The following GLIPR1 variants were observed in gnomAD, a reference collection of about 807,000 sequenced individuals.
The protein encoded by GLIPR1 is glioma pathogenesis-related protein 1.
Under a neutral mutation model 30.3 loss-of-function variants are expected in GLIPR1, and 38 were observed. That is an observed-to-expected ratio of 1.26 (90% CI 0.97 to 1.65). The LOEUF (loss-of-function observed/expected upper bound fraction) is 1.65, where lower values mean the gene tolerates loss of function less well. Among genes scored for constraint, GLIPR1 ranks in the 40% most tolerant of loss-of-function variants. The pLI, the probability that GLIPR1 is intolerant of heterozygous loss-of-function variation, is 0.00. For synonymous variants in GLIPR1, 122 were observed against 110.6 expected (o/e 1.10, Z -0.65); for missense variants, 285 against 326.5 (o/e 0.87, Z 0.98).
At chr12:75,481,813 G>T (rs1054914882) in intron 1 of GLIPR1, 21 bp from the exon 2 acceptor site, 2 of 1,612,156 alleles carry the variant, frequency 1.2e-6, no homozygotes, top group African/African-American at 2.7e-5. Context: ...ACCCCCTATT[G>T]TTTAATGTTT....
chr12:75,499,238 C>T lies in GLIPR1; in HGVS notation c.*260C>T. The T allele has an allele frequency of 3.5e-6, 1 of 287,898 alleles. No homozygotes were observed. Among genetic ancestry groups the T allele is most frequent in the Non-Finnish European group, 6.4e-6 (1 of 156,450 alleles). 17.8% of individuals were successfully genotyped at this position (287,898 alleles called of 1,614,324 possible). A position where few individuals can be genotyped will look rare whatever the true frequency, so the allele number is the denominator to read the frequency against. On this transcript the variant is annotated 3_prime_UTR_variant, in exon 6 of 6. Coordinates refer to ENST00000266659, the MANE Select transcript of GLIPR1 (RefSeq NM_006851.3). ...ACCCATGTTTCAGCTTCTAAATCTG[C>T]AAAATGAGCAAGGTACAGTAGCACA...
In GLIPR1 at chr12:75,501,658, G is replaced by T; in HGVS notation, c.*2680G>T. 1 of 1,063,988 alleles carries T rather than the reference G, an allele frequency of 9.4e-7. No individual in the cohort carries two copies. Among genetic ancestry groups the T allele is most frequent in the South Asian group, 1.4e-5 (1 of 71,930 alleles). The allele number at this position is 1,063,988 out of a possible 1,614,324, so 65.9% of individuals were successfully genotyped here. On this transcript the variant is annotated 3_prime_UTR_variant, in exon 6 of 6. Transcript: ENST00000266659. ...TACAACTGTTTCTTAAAAAGATTCAGACAAATTTATTATGGGTTTACTTTT... is the reference window on the plus strand; with the variant it reads ...TACAACTGTTTCTTAAAAAGATTCATACAAATTTATTATGGGTTTACTTTT...
rs1052628103 is a variant in GLIPR1 at position 75,503,576 on chromosome 12, G to C, written c.*4598G>C. The C allele has an allele frequency of 1.1e-5, 2 of 176,402 alleles. No individual in the cohort carries two copies. The highest frequency in any genetic ancestry group is 4.7e-5 in the African/African-American group (2 of 42,412). 10.9% of individuals were successfully genotyped at this position (176,402 alleles called of 1,614,324 possible). A position where few individuals can be genotyped will look rare whatever the true frequency, so the allele number is the denominator to read the frequency against. On this transcript the variant is annotated 3_prime_UTR_variant, in exon 6 of 6. Coordinates refer to ENST00000266659, the MANE Select transcript of GLIPR1 (RefSeq NM_006851.3). ...ATTTCAGAACAAGAACAACCATAGAGCACACAGTCACAATAATGTTGCCAA... is the reference window on the plus strand; with the variant it reads ...ATTTCAGAACAAGAACAACCATAGACCACACAGTCACAATAATGTTGCCAA...
Position 75,490,512 on chromosome 12 carries a change from G to T in GLIPR1, c.527G>T (p.Gly176Val). 8.9e-7 allele frequency: 1 copy of T among 1,117,540 alleles called. No homozygotes were observed. The highest frequency in any genetic ancestry group is 1.2e-5 in the South Asian group (1 of 81,896). 69.2% of individuals were successfully genotyped at this position (1,117,540 alleles called of 1,614,324 possible). ...GGAGCACATTTTATATGCAACTACG[G>T]ACCAGGGTAAGTGCCTGAATCAACC... ...SNGAHFICNYGPGGNYPTWPY... is the reference protein window; with the variant it reads ...SNGAHFICNYVPGGNYPTWPY... Residue 176 changes from glycine to valine, a missense_variant, in exon 3 of 6, where the codon GGA (glycine) becomes GTA (valine). By Grantham distance (109) the Gly-to-Val change is moderately radical. Coordinates refer to ENST00000266659, the MANE Select transcript of GLIPR1 (RefSeq NM_006851.3).
At chr12:75,486,045 C>T (rs1377044476) in intron 2 of GLIPR1, among the ~76,000 whole-genome samples, 1 of 152,092 alleles carries the variant, frequency 6.6e-6, no homozygotes, top group Non-Finnish European at 1.5e-5. Context: ...AAGAGTGGTT[C>T]CTGGTTCTGA....
At position 75,500,032 on chromosome 12, in the gene GLIPR1, A is replaced by G. The variant is rs2046380783; in HGVS notation, c.*1054A>G. On this transcript the variant is annotated 3_prime_UTR_variant, in exon 6 of 6. Transcript: ENST00000266659. The stretch of plus-strand genomic sequence containing the variant: ...AAAGAATATATGTTTAACAAAGAAT[A>G]TATGTTTAAGGCAGTTAACTTCAGA... 1 of 1,143,640 alleles carries G rather than the reference A, an allele frequency of 8.7e-7. No homozygotes were observed. Among genetic ancestry groups the G allele is most frequent in the Non-Finnish European group, 1.2e-6 (1 of 811,182 alleles). 70.8% of individuals were successfully genotyped at this position (1,143,640 alleles called of 1,614,324 possible).
intron 2 of GLIPR1, among the ~76,000 whole-genome samples, chr12:75,485,980 A>C (rs976343683): frequency 3.3e-4 from 50 of 152,080 alleles, no homozygotes; most frequent in African/African-American, 1.2e-3. Context: ...TATAAGGGAG[A>C]CATCTTCCTT....
intron 4 of GLIPR1, chr12:75,498,098 G>C (rs1378209761): frequency 1.3e-5 from 2 of 152,434 alleles, no homozygotes; most frequent in Admixed American, 6.6e-5. Flanking sequence ...AACTGGTGTG[G>C]AAAAGGTTTC....
chr12:75,485,290 A>C (rs930693820), intron 2 of GLIPR1, among the ~76,000 whole-genome samples: 2 of 152,222 alleles, frequency 1.3e-5, no homozygotes, highest in African/African-American at 4.8e-5. Context: ...CTTTGTCTTC[A>C]CTGGAGATAG....
intron 1 of GLIPR1, chr12:75,481,559 G>A (rs548370790): frequency 1.9e-5 from 8 of 428,054 alleles, no homozygotes; most frequent in South Asian, 1.6e-4. Flanking sequence ...TGTGGTTATG[G>A]AATAATGTTG....
At chr12:75,497,808 A>G (rs1206419658) in intron 4 of GLIPR1, 1 of 152,230 alleles carries the variant, frequency 6.6e-6, no homozygotes, top group Admixed American at 6.5e-5. Flanking sequence ...TGTGCTGGGC[A>G]TATTAGTGGT....
At chr12:75,490,235 C>CACA (rs1566097391) in intron 2 of GLIPR1, among the ~76,000 whole-genome samples, 171 bp from the exon 3 acceptor site, 4 of 109,624 alleles carry the variant, frequency 3.6e-5, no homozygotes, top group African/African-American at 1.0e-4. Context: ...ACACACACAC[C>CACA]CCAATAATGG....
rs755493492 is a variant in GLIPR1, at chr12:75,501,885, C to G, written c.*2907C>G. ...GTTAAATAATTCAAGTATCTATGAA[C>G]TTTGCTATTCATGTGAGCCAGACAT... is the stretch of plus-strand genomic sequence containing the variant. On this transcript the variant is annotated 3_prime_UTR_variant, in exon 6 of 6. Transcript: ENST00000266659. The G allele has an allele frequency of 3.8e-6, 6 of 1,593,568 alleles. No homozygotes were observed.
chr12:75,498,454 T>C (rs1179634766), intron 4 of GLIPR1: 8 of 387,424 alleles, frequency 2.1e-5, no homozygotes, highest in Non-Finnish European at 3.7e-5. Flanking sequence ...TTTCCATTTA[T>C]AGTAATGGTA....
chr12:75,483,494 G>A (rs1399471839), intron 2 of GLIPR1: 1 of 152,228 alleles, frequency 6.6e-6, no homozygotes, highest in Non-Finnish European at 1.5e-5. Flanking sequence ...TCTTGGAGAA[G>A]CGGAAGTGAG....
intron 2 of GLIPR1, among the ~76,000 whole-genome samples, chr12:75,485,767 G>T (rs2046291572): frequency 6.6e-6 from 1 of 151,868 alleles, no homozygotes; most frequent in African/African-American, 2.4e-5. Context: ...AGCCGGGATG[G>T]TCTCGATCTC....
Position 75,490,423 on chromosome 12 carries a change from T to A in GLIPR1, c.438T>A (p.Ser146Arg), listed in dbSNP as rs1242403796. The change falls in exon 3 of 6, where the codon AGT (serine) becomes AGA (arginine). Residue 146 changes from serine to arginine, a missense_variant. Ser to Arg is a moderately radical substitution (Grantham distance 110). Coordinates refer to ENST00000266659, the MANE Select transcript of GLIPR1 (RefSeq NM_006851.3). The stretch of plus-strand genomic sequence containing the variant: ...CCTTTCAGGTTGTTTGGGCAGATAG[T>A]TACAAAGTTGGCTGCGCAGTTCAAT... Reference protein sequence around the residue: ...GHYTQVVWADSYKVGCAVQFC... With the variant: ...GHYTQVVWADRYKVGCAVQFC... 1 of 1,594,274 alleles carries A rather than the reference T, an allele frequency of 6.3e-7. No homozygotes were observed. Among genetic ancestry groups the A allele is most frequent in the Non-Finnish European group, 8.6e-7 (1 of 1,162,500 alleles).
rs190677819 is a variant in GLIPR1 at position 75,488,469 on chromosome 12, G to A, written c.421-1937G>A. On this transcript the variant is annotated intron_variant, in intron 2 of 5. Transcript: ENST00000266659. Reference sequence around the variant, plus strand: ...GGAGAATCGCTTGAACCTGGGAGGCGGAGGTTGCAATAAGCCGAGATTGCA... The same window carrying A: ...GGAGAATCGCTTGAACCTGGGAGGCAGAGGTTGCAATAAGCCGAGATTGCA... 3.4e-3 allele frequency among the ~76,000 whole-genome samples: 517 copies of A among 152,188 alleles called. 3 individuals are homozygous for A. Among genetic ancestry groups the A allele is most frequent in the South Asian group, 8.9e-3 (43 of 4,812 alleles).
In GLIPR1 at chr12:75,502,884, C is replaced by T. The variant is rs2279244; in HGVS notation, c.*3906C>T. 0.24 allele frequency: 35,712 copies of T among 151,922 alleles called. 4,448 individuals carry two copies. The highest frequency in any genetic ancestry group is 0.32 in the Middle Eastern group (94 of 294). 9.4% of individuals were successfully genotyped at this position (151,922 alleles called of 1,614,324 possible). A position where few individuals can be genotyped will look rare whatever the true frequency, so the allele number is the denominator to read the frequency against. On this transcript the variant is annotated 3_prime_UTR_variant, in exon 6 of 6. Transcript: ENST00000266659. ...CATCACTCCACTTTCCCCCTAACTA[C>T]TATCAATTTCCTCCATGATCCAAAA... is the stretch of plus-strand genomic sequence containing the variant.
Sources: gnomAD v4.1 joint callset for allele counts (sites outside exome capture counted in the v4.1 genomes callset) on GRCh38, gnomAD v4.1.1 for gene constraint, MANE v1.5 for transcripts, NCBI Gene and HGNC (gene_info 2026-07-23, HGNC 2026-07-21) for gene names.